Variants in PTPRD observed in about 807,000 individuals in gnomAD.
PTPRD encodes the protein receptor-type tyrosine-protein phosphatase delta.
A neutral mutation model predicts 214.5 loss-of-function variants in PTPRD; 34 were observed. That is an observed-to-expected ratio of 0.16 (90% confidence interval 0.12 to 0.21). PTPRD has a LOEUF of 0.21. Among genes scored for constraint, PTPRD ranks in the 10% least tolerant of loss-of-function variants. The probability of loss-of-function intolerance (pLI) is 1.00; values close to 1 mark genes in which losing one functional copy is unlikely to be tolerated. For synonymous variants in PTPRD, 1,128 were observed against 845.7 expected (o/e 1.33, Z -5.79); for missense variants, 2,545 against 2,398.7 (o/e 1.06, Z -1.27).
At chr9:9,301,078 A>G (rs1001640790) in intron 9 of PTPRD, among the ~76,000 whole-genome samples, 2 of 151,828 alleles carry the variant, frequency 1.3e-5, no homozygotes, top group African/African-American at 4.8e-5. Flanking sequence ...TAAACACAGA[A>G]GTCTTTCATA....
At chr9:9,101,269 A>T (rs539792900) in intron 10 of PTPRD, among the ~76,000 whole-genome samples, 2 of 152,330 alleles carry the variant, frequency 1.3e-5, no homozygotes, top group African/African-American at 4.8e-5. Flanking sequence ...ATAGATGCTT[A>T]GGGATTCATT....
At chr9:9,286,509 G>A (rs1024676678) in intron 9 of PTPRD, among the ~76,000 whole-genome samples, 19 of 151,558 alleles carry the variant, frequency 1.3e-4, no homozygotes, top group Non-Finnish European at 1.8e-4. Context: ...TCACAACTCT[G>A]AGTTTTGAAC....
intron 10 of PTPRD, among the ~76,000 whole-genome samples, chr9:9,105,329 T>G (rs745871773): frequency 2.5e-5 from 3 of 120,348 alleles, no homozygotes; most frequent in African/African-American, 9.3e-5. Flanking sequence ...TTATGCATTG[T>G]TGATTTTGTT....
At chr9:10,016,356 A>G (rs930193395) in intron 4 of PTPRD, among the ~76,000 whole-genome samples, 1 of 90,930 alleles carries the variant, frequency 1.1e-5, no homozygotes, top group African/African-American at 3.9e-5. Context: ...TGATAGAAAG[A>G]TTAGATAGAT....
intron 8 of PTPRD, among the ~76,000 whole-genome samples, chr9:9,513,376 C>G (rs1388588024): frequency 6.6e-6 from 1 of 151,896 alleles, no homozygotes; most frequent in Non-Finnish European, 1.5e-5. Flanking sequence ...TGTGTTATGA[C>G]TTGACTATAC....
intron 10 of PTPRD, among the ~76,000 whole-genome samples, chr9:9,130,459 T>C (rs2099840872): frequency 6.6e-6 from 1 of 152,216 alleles, no homozygotes; most frequent in African/African-American, 2.4e-5. Context: ...TTTAATAGTC[T>C]ACAACTTGTG....
chr9:9,206,312 T>C (rs749701281), intron 9 of PTPRD, among the ~76,000 whole-genome samples: 1 of 152,094 alleles, frequency 6.6e-6, no homozygotes, highest in African/African-American at 2.4e-5. Context: ...GGAGGACCAT[T>C]GGAGGGTTGT....
At chr9:10,576,424 T>A (rs2069350707) in intron 2 of PTPRD, among the ~76,000 whole-genome samples, 1 of 152,092 alleles carries the variant, frequency 6.6e-6, no homozygotes, top group Non-Finnish European at 1.5e-5. Context: ...AAAAATAGAA[T>A]CTCAGTATTT....
chr9:9,354,640 C>T (rs1015040726), intron 9 of PTPRD, among the ~76,000 whole-genome samples: 1 of 151,486 alleles, frequency 6.6e-6, no homozygotes, highest in African/African-American at 2.4e-5. Flanking sequence ...ACAACTATAG[C>T]CAATAAGTAA....
At chr9:9,446,895 C>T (rs1026881411) in intron 8 of PTPRD, among the ~76,000 whole-genome samples, 1 of 151,978 alleles carries the variant, frequency 6.6e-6, no homozygotes, top group Non-Finnish European at 1.5e-5. Flanking sequence ...ATACATGTGG[C>T]CAAGAAGCAT....
chr9:9,266,939 A>G (rs987347243), intron 9 of PTPRD, among the ~76,000 whole-genome samples: 1 of 151,270 alleles, frequency 6.6e-6, no homozygotes, highest in African/African-American at 2.4e-5. Flanking sequence ...GAAGGAAATA[A>G]CAAATTTCAG....
intron 3 of PTPRD, among the ~76,000 whole-genome samples, chr9:10,173,603 C>T (rs1028908402): frequency 2.0e-5 from 3 of 152,002 alleles, no homozygotes; most frequent in African/African-American, 7.2e-5. Flanking sequence ...TAACAATTGG[C>T]CCTAAAATCT....
chr9:9,775,253 G>T (rs1042268806), intron 5 of PTPRD, among the ~76,000 whole-genome samples: 1 of 152,004 alleles, frequency 6.6e-6, no homozygotes, highest in Admixed American at 6.5e-5. Flanking sequence ...TTATTGTACT[G>T]CTAACACAGA....
chr9:8,648,727 T>C (rs997680542), intron 12 of PTPRD, among the ~76,000 whole-genome samples: 2 of 152,190 alleles, frequency 1.3e-5, no homozygotes, highest in African/African-American at 2.4e-5. Context: ...TGTAGGCAAA[T>C]GACACAATGC....
intron 10 of PTPRD, among the ~76,000 whole-genome samples, chr9:9,148,447 A>G (rs1408150764): frequency 2.0e-5 from 3 of 152,206 alleles, no homozygotes; most frequent in Non-Finnish European, 4.4e-5. Context: ...AAAGAAAAAA[A>G]ATACAGCTTC....
chr9:9,965,602 T>C (rs1437159333), intron 4 of PTPRD, among the ~76,000 whole-genome samples: 1 of 152,214 alleles, frequency 6.6e-6, no homozygotes, highest in East Asian at 1.9e-4. Flanking sequence ...TTTTCTGTTC[T>C]ATTACCTACT....
intron 2 of PTPRD, among the ~76,000 whole-genome samples, chr9:10,423,689 G>A (rs529274427): frequency 1.2e-4 from 18 of 151,920 alleles, no homozygotes; most frequent in African/African-American, 4.1e-4. Flanking sequence ...CATAGCAATT[G>A]GGTAGCATTA....
intron 5 of PTPRD, among the ~76,000 whole-genome samples, chr9:9,852,432 T>C (rs973916): frequency 0.76 from 116,163 of 151,906 alleles, 45,515 homozygotes; most frequent in East Asian, 0.94. Context: ...AACTATTAGA[T>C]ATGGAGATTA....
At chr9:9,382,041 C>G (rs1435933670) in intron 9 of PTPRD, among the ~76,000 whole-genome samples, 2 of 152,082 alleles carry the variant, frequency 1.3e-5, no homozygotes, top group African/African-American at 2.4e-5. Context: ...ATTTGTGTCT[C>G]TTTACATTTC....
Sources: allele counts gnomAD v4.1 joint callset (sites outside exome capture counted in the v4.1 genomes callset), GRCh38; gene constraint gnomAD v4.1.1; transcripts MANE v1.5; gene names NCBI Gene and HGNC (gene_info 2026-07-23, HGNC 2026-07-21).